The following PID1 variants were observed in gnomAD, a reference collection of about 807,000 sequenced individuals.
The protein encoded by PID1 is PTB-containing, cubilin and LRP1-interacting protein.
In PID1, 10 loss-of-function variants were observed where a neutral mutation model predicts 19.1. The observed-to-expected ratio is 0.52, with a 90% CI of 0.32 to 0.89. The LOEUF is 0.89. Ranked by LOEUF, PID1 falls within the 40% of genes least tolerant of loss-of-function variation. PID1 has a pLI of 0.03. For missense variants in PID1, 248 were observed against 285.3 expected, an observed-to-expected ratio of 0.87 and a Z score of 0.94; for synonymous variants, 130 against 116.0, an observed-to-expected ratio of 1.12 and a Z score of -0.78.
At chr2:229,168,896 C>T (rs1196643897) in intron 1 of PID1, among the ~76,000 whole-genome samples, 1 of 152,130 alleles carries the variant, frequency 6.6e-6, no homozygotes, top group East Asian at 1.9e-4. Context: ...ATTGCTCTAC[C>T]ACAGGCTTCC....
chr2:229,099,899 T>C (rs970193578), intron 2 of PID1, among the ~76,000 whole-genome samples: 1 of 152,172 alleles, frequency 6.6e-6, no homozygotes, highest in African/African-American at 2.4e-5. Flanking sequence ...AATGTTTGTG[T>C]CCCTCCAAAA....
intron 1 of PID1, among the ~76,000 whole-genome samples, chr2:229,208,057 T>C (rs570534555): frequency 2.0e-4 from 30 of 152,304 alleles, no homozygotes; most frequent in African/African-American, 6.3e-4. Context: ...TGATTTGTTT[T>C]TCTCTTTTAA....
intron 2 of PID1, among the ~76,000 whole-genome samples, chr2:229,120,549 T>C (rs1695496290): frequency 6.6e-6 from 1 of 151,170 alleles, no homozygotes; most frequent in African/African-American, 2.4e-5. Flanking sequence ...CAAATACAAC[T>C]AGACTCACAA....
chr2:229,161,646 C>T (rs1050108937), intron 1 of PID1, among the ~76,000 whole-genome samples: 6 of 152,132 alleles, frequency 3.9e-5, no homozygotes, highest in African/African-American at 1.4e-4. Context: ...TGATAAAGTA[C>T]CAATAATCTG....
At chr2:229,164,747 T>C (rs1341361242) in intron 1 of PID1, among the ~76,000 whole-genome samples, 1 of 152,162 alleles carries the variant, frequency 6.6e-6, no homozygotes, top group Non-Finnish European at 1.5e-5. Context: ...CCTGCCCAGC[T>C]TCCTGCCTTG....
chr2:229,241,088 T>C (rs564970664), intron 1 of PID1, among the ~76,000 whole-genome samples: 3 of 152,308 alleles, frequency 2.0e-5, no homozygotes, highest in East Asian at 1.9e-4. Context: ...ATTTGAGATT[T>C]TCCATTTGTT....
At chr2:229,074,404 A>G (rs2106205074) in intron 2 of PID1, among the ~76,000 whole-genome samples, 1 of 152,346 alleles carries the variant, frequency 6.6e-6, no homozygotes, top group Admixed American at 6.5e-5. Flanking sequence ...AATGAGGAAA[A>G]GGGAAGAAGA....
chr2:229,138,993 AAG>A (rs1250996918), intron 2 of PID1, among the ~76,000 whole-genome samples: 2 of 81,540 alleles, frequency 2.5e-5, no homozygotes, highest in Non-Finnish European at 2.5e-5. Context: ...GAAAGAAAGA[AAG>A]AAAGAAAGAA....
intron 2 of PID1, among the ~76,000 whole-genome samples, chr2:229,110,068 C>T (rs1695266091): frequency 6.6e-6 from 1 of 152,174 alleles, no homozygotes; most frequent in Non-Finnish European, 1.5e-5. Context: ...GGACTCCCAC[C>T]CTACAAGACA....
chr2:229,120,281 A>G (rs1695491190), intron 2 of PID1, among the ~76,000 whole-genome samples: 1 of 152,146 alleles, frequency 6.6e-6, no homozygotes, highest in African/African-American at 2.4e-5. Context: ...AAGCCTTACC[A>G]ATAACATAAA....
chr2:229,099,730 G>A (rs1421292285), intron 2 of PID1, among the ~76,000 whole-genome samples: 1 of 152,140 alleles, frequency 6.6e-6, no homozygotes. Flanking sequence ...TGATTTCACT[G>A]CCTAAAAGAA....
chr2:229,164,962 G>C (rs140811526), intron 1 of PID1, among the ~76,000 whole-genome samples: 4 of 152,240 alleles, frequency 2.6e-5, no homozygotes, highest in East Asian at 1.9e-4. Flanking sequence ...GAAACTCAAG[G>C]CTGGACAACA....
chr2:229,025,361 T>C lies in PID1; in HGVS notation c.*271A>G, dbSNP rs1457097122. The C allele has an allele frequency of 1.1e-5, 4 of 378,548 alleles. No individual in the cohort carries two copies. The highest frequency in any genetic ancestry group is 1.0e-4 in the African/African-American group (3 of 29,646). The allele number at this position is 378,548 out of a possible 1,614,324, so 23.4% of individuals were successfully genotyped here. ...CATGGAGCTCTCCCACAGAGAGGCA[T>C]TGGGAAATGAGAAAAATAAGAGAGC... On this transcript the variant is annotated 3_prime_UTR_variant, in exon 3 of 3. Transcript: ENST00000392055.
intron 2 of PID1, among the ~76,000 whole-genome samples, chr2:229,098,125 T>C (rs1237200841): frequency 3.9e-5 from 6 of 152,208 alleles, no homozygotes; most frequent in Non-Finnish European, 5.9e-5. Context: ...GTAGGACTTT[T>C]ATCAGTCTTA....
chr2:229,143,760 C>T (rs539380055), intron 2 of PID1, among the ~76,000 whole-genome samples: 2 of 151,984 alleles, frequency 1.3e-5, no homozygotes, highest in Non-Finnish European at 2.9e-5. Context: ...CTCACAAGAC[C>T]TGATGGTTTA....
intron 2 of PID1, among the ~76,000 whole-genome samples, chr2:229,150,309 C>T (rs1320926290): frequency 6.6e-6 from 1 of 151,838 alleles, no homozygotes; most frequent in Non-Finnish European, 1.5e-5. Context: ...TAAATTAGCC[C>T]TGTTCACCTC....
intron 1 of PID1, among the ~76,000 whole-genome samples, chr2:229,222,560 GTCTATGAGGGTGCT>G (rs1183402085): frequency 6.6e-6 from 1 of 152,124 alleles, no homozygotes; most frequent in African/African-American, 2.4e-5. Context: ...CATTGCTCAT[GTCTATGAGGGTGCT>G]TCTAGATGAG....
chr2:229,057,081 TA>T (rs1400797330), intron 2 of PID1, among the ~76,000 whole-genome samples: 1 of 152,108 alleles, frequency 6.6e-6, no homozygotes, highest in Non-Finnish European at 1.5e-5. Context: ...TGAATATCAC[TA>T]TTATAACATA....
At chr2:229,144,221 AG>A (rs1212484857) in intron 2 of PID1, among the ~76,000 whole-genome samples, 2 of 152,162 alleles carry the variant, frequency 1.3e-5, no homozygotes, top group Non-Finnish European at 2.9e-5. Context: ...AAAGCAAAAA[AG>A]GGGAAGAAAA....
Sources: gnomAD v4.1 joint callset for allele counts (sites outside exome capture counted in the v4.1 genomes callset) on GRCh38, gnomAD v4.1.1 for gene constraint, MANE v1.5 for transcripts, NCBI Gene and HGNC (gene_info 2026-07-23, HGNC 2026-07-21) for gene names.